The following IL4R variants were observed in gnomAD, a reference collection of about 807,000 sequenced individuals.
IL4R encodes the protein interleukin 4 receptor, also known as interleukin-4 receptor subunit alpha.
Under a neutral mutation model 41.5 loss-of-function variants are expected in IL4R, and 17 were observed. The ratio of observed to expected loss-of-function variants is 0.41; its 90% confidence interval spans 0.28 to 0.61. The LOEUF is 0.61. Among genes scored for constraint, IL4R ranks in the 20% least tolerant of loss-of-function variants. The pLI, the probability that IL4R is intolerant of heterozygous loss-of-function variation, is 0.31. For synonymous variants in IL4R, 402 were observed against 422.9 expected (o/e 0.95, Z 0.61); for missense variants, 974 against 1,043.1 (o/e 0.93, Z 0.91).
chr16:27,318,987 G>A (rs2084730473), intron 1 of IL4R, among the ~76,000 whole-genome samples: 1 of 152,222 alleles, frequency 6.6e-6, no homozygotes, highest in African/African-American at 2.4e-5. Context: ...GGGAATGAGT[G>A]ACCCAGAAAT....
intron 10 of IL4R, 89 bp from the exon 11 acceptor site, chr16:27,362,163 G>T: frequency 7.8e-7 from 1 of 1,274,738 alleles, no homozygotes; most frequent in Non-Finnish European, 1.1e-6. Context: ...CAGCCATCAG[G>T]ACATGGTGAT....
Position 27,363,635 on chromosome 16 carries a change from C to T in IL4R, c.2283C>T (p.Ala761=), listed in dbSNP as rs1447239425. 6.2e-7 allele frequency: 1 copy of T among 1,613,700 alleles called. No homozygotes were observed. The highest frequency in any genetic ancestry group is 8.5e-7 in the Non-Finnish European group (1 of 1,179,808). Residue 761 remains alanine, a synonymous_variant, in exon 11 of 11, where the codon GCC becomes GCT. Transcript: ENST00000395762. ...CGCCCCCTACAACCCCCCTGAGGGC[C>T]CCAGACCCCTCTCCAGGTGGGGTTC... The part of the protein sequence containing the change: ...RSSPPTTPLR[A]PDPSPGGVPL...
intron 2 of IL4R, among the ~76,000 whole-genome samples, chr16:27,334,142 G>C (rs1004424583): frequency 5.9e-5 from 9 of 152,068 alleles, no homozygotes; most frequent in Non-Finnish European, 1.3e-4. Context: ...TCAGCCTCCC[G>C]AAGTGCTGGG....
intron 1 of IL4R, among the ~76,000 whole-genome samples, chr16:27,316,645 C>G (rs759718671): frequency 2.6e-5 from 4 of 152,170 alleles, no homozygotes; most frequent in Non-Finnish European, 4.4e-5. Context: ...CCCAGTGGGT[C>G]CACAATCAAT....
At chr16:27,326,645 A>AT (rs202175943) in intron 1 of IL4R, among the ~76,000 whole-genome samples, 2,272 of 152,282 alleles carry the variant, frequency 0.015, 56 homozygotes, top group African/African-American at 0.051. Context: ...TAGCCACAGA[A>AT]TGAGACCCTG....
At position 27,340,192 on chromosome 16, in the gene IL4R, T is replaced by G. The variant is rs1030214096; in HGVS notation, c.-12T>G. The G allele has an allele frequency of 6.8e-6, 11 of 1,612,422 alleles. No homozygotes were observed. In the African/African-American group the frequency reaches 1.3e-4, roughly 20 times the overall value. ...GCTTCCTCTCTCTCTGCAGGTGCCT[T>G]GGCATCTCCCAATGGGGTGGCTTTG... On this transcript the variant is annotated 5_prime_UTR_variant, in exon 3 of 11. Coordinates refer to ENST00000395762, the MANE Select transcript of IL4R (RefSeq NM_000418.4).
chr16:27,355,639 C>T (rs2086038456), intron 7 of IL4R, 169 bp from the exon 8 acceptor site: 4 of 569,228 alleles, frequency 7.0e-6, no homozygotes, highest in Non-Finnish European at 1.3e-5. Flanking sequence ...GACGAGGACT[C>T]AATGTGCAAG....
chr16:27,338,241 T>A (rs945359130), intron 2 of IL4R, among the ~76,000 whole-genome samples: 1 of 149,474 alleles, frequency 6.7e-6, no homozygotes. Context: ...TTTCTTTTCT[T>A]TTTTTTTTAT....
chr16:27,333,522 G>T (rs2085170413), intron 2 of IL4R, among the ~76,000 whole-genome samples: 1 of 152,098 alleles, frequency 6.6e-6, no homozygotes, highest in African/African-American at 2.4e-5. Context: ...GGGTTATTTG[G>T]CCTCTCTGGC....
At chr16:27,316,654 A>G (rs927915429) in intron 1 of IL4R, among the ~76,000 whole-genome samples, 15 of 152,190 alleles carry the variant, frequency 9.9e-5, no homozygotes, top group Non-Finnish European at 2.1e-4. Context: ...TCCACAATCA[A>G]TGTATATGTC....
intron 1 of IL4R, among the ~76,000 whole-genome samples, chr16:27,321,813 C>G (rs1408558069): frequency 2.0e-5 from 3 of 152,150 alleles, no homozygotes; most frequent in Non-Finnish European, 2.9e-5. Flanking sequence ...CATTTTAAGA[C>G]TTATTTAATT....
intron 1 of IL4R, among the ~76,000 whole-genome samples, chr16:27,317,256 T>C (rs751972687): frequency 6.6e-6 from 1 of 152,228 alleles, no homozygotes; most frequent in South Asian, 2.1e-4. Context: ...GGTTGGGATT[T>C]AGTCCACTCA....
intron 2 of IL4R, among the ~76,000 whole-genome samples, chr16:27,339,040 A>T (rs1028923691): frequency 1.3e-5 from 2 of 152,052 alleles, no homozygotes; most frequent in African/African-American, 4.8e-5. Flanking sequence ...TTTTTAGTAC[A>T]GACGGGGTTT....
Position 27,345,800 on chromosome 16 carries a change from G to A in IL4R, c.362-667G>A, listed in dbSNP as rs550605218. 6.6e-6 allele frequency among the ~76,000 whole-genome samples: 1 copy of A among 151,786 alleles called. No individual in the cohort carries two copies. Among genetic ancestry groups the A allele is most frequent in the East Asian group, 1.9e-4 (1 of 5,152 alleles). On this transcript the variant is annotated intron_variant, in intron 5 of 10. Transcript: ENST00000395762. The surrounding 1 kb of genome is among the most constrained non-coding windows in gnomAD (Gnocchi z 4.5). The stretch of plus-strand genomic sequence containing the variant: ...AGCCTGGACAACATGGTAAAACCCC[G>A]TCTCTACTAAAAATACAAAAAATTA...
chr16:27,359,318 C>T (rs1211338028), intron 9 of IL4R, among the ~76,000 whole-genome samples: 1 of 152,162 alleles, frequency 6.6e-6, no homozygotes, highest in East Asian at 1.9e-4. Flanking sequence ...GGCTAGAGGC[C>T]AGAAGGAGTG....
At chr16:27,359,161 C>T (rs929275234) in intron 9 of IL4R, among the ~76,000 whole-genome samples, 167 bp downstream of exon 9, 3 of 152,178 alleles carry the variant, frequency 2.0e-5, no homozygotes, top group Admixed American at 2.0e-4. Flanking sequence ...CATTAGCAGA[C>T]CAGAGGCTTT....
Position 27,355,916 on chromosome 16 carries a change from T to G in IL4R, c.770+9T>G, listed in dbSNP as rs780176295. Reference sequence around the variant, plus strand: ...TATGTCAGCATCACCAAGTGAGTCCTGGGCCCAGTGCTGCCGAGCAGTCCC... The same window carrying G: ...TATGTCAGCATCACCAAGTGAGTCCGGGGCCCAGTGCTGCCGAGCAGTCCC... On this transcript the variant is annotated intron_variant, in intron 8 of 10. Coordinates refer to ENST00000395762, the MANE Select transcript of IL4R (RefSeq NM_000418.4). The G allele has an allele frequency of 6.3e-7, 1 of 1,598,684 alleles. No homozygotes were observed. Among genetic ancestry groups the G allele is most frequent in the South Asian group, 1.1e-5 (1 of 90,774 alleles).
intron 2 of IL4R, among the ~76,000 whole-genome samples, chr16:27,338,693 T>C (rs2085338990): frequency 6.6e-6 from 1 of 152,044 alleles, no homozygotes; most frequent in African/African-American, 2.4e-5. Flanking sequence ...AGTGCCCTCA[T>C]GAACGGGCTG....
rs762532424 is a variant in IL4R, at chr16:27,342,128, G to A, written c.78G>A (p.Met26Ile). ...VLLQVASSGN[M>I]KVLQEPTCVS... ...GCTCCTGTGTCTCCCCAGGGAACAT[G>A]AAGGTCTTGCAGGAGCCCACCTGCG... The change falls in exon 4 of 11, where the codon ATG becomes ATA. Residue 26 changes from methionine (M) to isoleucine (I), a missense_variant. Coordinates refer to ENST00000395762, the MANE Select transcript of IL4R (RefSeq NM_000418.4). 1.2e-6 allele frequency: 2 copies of A among 1,614,120 alleles called. No homozygotes were observed. The highest frequency in any genetic ancestry group is 2.2e-5 in the East Asian group (1 of 44,880).
Sources: gnomAD v4.1 joint callset for allele counts (sites outside exome capture counted in the v4.1 genomes callset) on GRCh38, gnomAD v4.1.1 for gene constraint, Gnocchi (gnomAD v3.1) non-coding constraint, MANE v1.5 for transcripts, NCBI Gene and HGNC (gene_info 2026-07-23, HGNC 2026-07-21) for gene names.